The following PCDHA1 variants were observed in gnomAD, a reference collection of about 807,000 sequenced individuals.
PCDHA1 encodes protocadherin alpha-1.
PCDHA1 carries 42 observed loss-of-function variants against 61.3 expected under a neutral mutation model. The observed-to-expected ratio is 0.69, with a 90% CI of 0.54 to 0.89. The LOEUF (loss-of-function observed/expected upper bound fraction) is 0.89. Among genes scored for constraint, PCDHA1 ranks in the 40% least tolerant of loss-of-function variants. The pLI is 0.00. For synonymous variants in PCDHA1, 610 were observed against 553.8 expected (o/e 1.10, Z -1.43); for missense variants, 1,256 against 1,235.3 (o/e 1.02, Z -0.25).
intron 1 of PCDHA1, chr5:140,836,533 T>A (rs1554136046): frequency 6.2e-7 from 1 of 1,613,734 alleles, no homozygotes; most frequent in Non-Finnish European, 8.5e-7. Flanking sequence ...ACCCTGCTGC[T>A]GTACACGGCG....
At chr5:141,000,395 CTA>C (rs1190667031) in intron 3 of PCDHA1, among the ~76,000 whole-genome samples, 91 of 53,954 alleles carry the variant, frequency 1.7e-3, no homozygotes, top group Admixed American at 3.8e-3. Flanking sequence ...CTCTCTCTCT[CTA>C]TATATATATA....
At chr5:140,947,059 A>G (rs1297447274) in intron 1 of PCDHA1, among the ~76,000 whole-genome samples, 2 of 151,742 alleles carry the variant, frequency 1.3e-5, no homozygotes, top group Admixed American at 1.3e-4. Flanking sequence ...ATCATTACAC[A>G]GTGTATATAT....
intron 1 of PCDHA1, chr5:140,875,866 G>T: frequency 6.2e-7 from 1 of 1,614,192 alleles, no homozygotes; most frequent in Non-Finnish European, 8.5e-7. Context: ...CAACCCGCCG[G>T]TGTTCAGAGA....
At chr5:140,857,029 A>C in intron 1 of PCDHA1, 1 of 1,596,504 alleles carries the variant, frequency 6.3e-7, no homozygotes, top group South Asian at 1.1e-5. Flanking sequence ...AGGGAAACCC[A>C]CCTATGGTTG....
chr5:140,912,318 C>T (rs1554195270), intron 1 of PCDHA1, among the ~76,000 whole-genome samples: 2 of 151,536 alleles, frequency 1.3e-5, no homozygotes, highest in East Asian at 1.9e-4. Context: ...CAAGTTGACC[C>T]TCAGTATTAA....
Position 140,787,273 on chromosome 5 carries a change from C to T in PCDHA1, c.983C>T (p.Pro328Leu), listed in dbSNP as rs1362990159. The change falls in exon 1 of 4, where the codon CCT becomes CTT. Residue 328 changes from proline to leucine, a missense_variant. By Grantham distance (98) the Pro-to-Leu change is moderately conservative. Coordinates refer to ENST00000504120, the MANE Select transcript of PCDHA1 (RefSeq NM_018900.4). ...IQVKAVDKGS[P>L]PMSNHCKVLV... ...GTAAAGGCAGTTGATAAAGGAAGTCCTCCGATGTCAAATCACTGTAAGGTT... is the reference window on the plus strand; with the variant it reads ...GTAAAGGCAGTTGATAAAGGAAGTCTTCCGATGTCAAATCACTGTAAGGTT... The T allele has an allele frequency of 9.3e-6, 15 of 1,614,072 alleles. No individual in the cohort carries two copies. Among genetic ancestry groups the T allele is most frequent in the Admixed American group, 1.7e-5 (1 of 60,008 alleles).
intron 1 of PCDHA1, chr5:140,884,024 G>A: frequency 6.2e-7 from 1 of 1,613,318 alleles, no homozygotes; most frequent in Non-Finnish European, 8.5e-7. Flanking sequence ...GCGGTCGGTG[G>A]GTGCAGGCCA....
intron 1 of PCDHA1, chr5:140,854,282 G>A: frequency 1.9e-6 from 1 of 533,858 alleles, no homozygotes; most frequent in African/African-American, 2.1e-5. Context: ...ATTGAGTTTA[G>A]TTTTTATTAT....
chr5:140,851,940 G>A (rs1431345124), intron 1 of PCDHA1: 2 of 966,626 alleles, frequency 2.1e-6, no homozygotes, highest in Non-Finnish European at 2.5e-6. Flanking sequence ...ATTGTAGTAT[G>A]TGACTTTCAA....
At chr5:140,880,628 A>T (rs566696364) in intron 1 of PCDHA1, among the ~76,000 whole-genome samples, 46 of 152,352 alleles carry the variant, frequency 3.0e-4, no homozygotes, top group Non-Finnish European at 4.4e-5. Flanking sequence ...GGAGTTAATT[A>T]TCAATTCACT....
At chr5:140,869,141 G>A in intron 1 of PCDHA1, 1 of 1,613,314 alleles carries the variant, frequency 6.2e-7, no homozygotes, top group Non-Finnish European at 8.5e-7. Context: ...GGCACCCCAC[G>A]ACTACAGCTC....
intron 1 of PCDHA1, among the ~76,000 whole-genome samples, chr5:140,932,536 T>G (rs1176427449): frequency 1.3e-5 from 2 of 151,940 alleles, no homozygotes. Flanking sequence ...TTCAAGGTGC[T>G]TTATTTAACA....
intron 1 of PCDHA1, chr5:140,856,071 TG>T: frequency 6.3e-7 from 1 of 1,591,920 alleles, no homozygotes; most frequent in East Asian, 2.2e-5. Flanking sequence ...TGTAGCTGCC[TG>T]GGGGTCCAGT....
At chr5:140,802,776 G>A (rs1017296773) in intron 1 of PCDHA1, 5 of 1,613,170 alleles carry the variant, frequency 3.1e-6, no homozygotes, top group Admixed American at 1.7e-5. Flanking sequence ...GGACCACGAG[G>A]AGCTAGAGCT....
intron 1 of PCDHA1, chr5:140,828,974 A>G (rs1314280199): frequency 1.2e-6 from 2 of 1,614,192 alleles, no homozygotes; most frequent in Non-Finnish European, 1.7e-6. Context: ...CCACTTTAGC[A>G]TAGATCGAAA....
At chr5:140,941,317 CTCT>C (rs2093029316) in intron 1 of PCDHA1, among the ~76,000 whole-genome samples, 2 of 99,150 alleles carry the variant, frequency 2.0e-5, no homozygotes, top group Non-Finnish European at 4.2e-5. Flanking sequence ...TTTCTTCTTT[CTCT>C]TTTTTTTTTT....
rs2149896241 is a variant in PCDHA1, at chr5:140,787,779, C to T, written c.1489C>T (p.Arg497Trp). ...GCTGGTGTCCTATTCGCTGGTGGAA[C>T]GGCGGGTGGGCGAGCGCGCGCTGTC... ...NALVSYSLVE[R>W]RVGERALSNY... Residue 497 changes from arginine to tryptophan, a missense_variant, in exon 1 of 4, where the codon CGG becomes TGG. Coordinates refer to ENST00000504120, the MANE Select transcript of PCDHA1 (RefSeq NM_018900.4). The T allele has an allele frequency of 6.2e-7, 1 of 1,612,904 alleles. No individual in the cohort carries two copies. The highest frequency in any genetic ancestry group is 8.5e-7 in the Non-Finnish European group (1 of 1,179,806).
chr5:140,924,531 G>A (rs1194516404), intron 1 of PCDHA1, among the ~76,000 whole-genome samples: 2 of 152,070 alleles, frequency 1.3e-5, no homozygotes, highest in African/African-American at 2.4e-5. Flanking sequence ...GAGAATGCCC[G>A]AGCTACCCCT....
Position 140,786,924 on chromosome 5 carries a change from C to G in PCDHA1, c.634C>G (p.Leu212Val). The change falls in exon 1 of 4, where the codon CTG (leucine) becomes GTG (valine). Residue 212 changes from leucine to valine, a missense_variant. Physicochemically the swap from Leu to Val is conservative, Grantham distance 32. Transcript: ENST00000504120. ...REETPELHLLLTATDGGKPEL... is the reference protein window; with the variant it reads ...REETPELHLLVTATDGGKPEL... ...AGAAACACCAGAACTTCACTTATTACTGACTGCCACTGATGGGGGCAAACC... is the reference window on the plus strand; with the variant it reads ...AGAAACACCAGAACTTCACTTATTAGTGACTGCCACTGATGGGGGCAAACC... The G allele has an allele frequency of 1.2e-6, 2 of 1,614,178 alleles. No individual in the cohort carries two copies. The highest frequency in any genetic ancestry group is 1.1e-5 in the South Asian group (1 of 91,090).
Sources: gnomAD v4.1 joint callset for allele counts (sites outside exome capture counted in the v4.1 genomes callset) on GRCh38, gnomAD v4.1.1 for gene constraint, MANE v1.5 for transcripts, NCBI Gene and HGNC (gene_info 2026-07-23, HGNC 2026-07-21) for gene names.